Variants in PCDH15 observed in about 807,000 individuals in gnomAD.
PCDH15 encodes the protein protocadherin related 15.
A neutral mutation model predicts 178.5 loss-of-function variants in PCDH15; 129 were observed. The ratio of observed to expected loss-of-function variants is 0.72; its 90% CI spans 0.63 to 0.84. The LOEUF (loss-of-function observed/expected upper bound fraction) is 0.84, where lower values mean the gene tolerates loss of function less well. PCDH15 is among the 40% of genes least tolerant of loss of function. The pLI is 0.00. For missense variants in PCDH15, 2,230 were observed against 2,099.9 expected, an observed-to-expected ratio of 1.06 and a Z score of -1.21; for synonymous variants, 800 against 732.0, an observed-to-expected ratio of 1.09 and a Z score of -1.50.
chr10:53,998,960 G>A (rs2134966866), intron 20 of PCDH15, among the ~76,000 whole-genome samples: 1 of 151,200 alleles, frequency 6.6e-6, no homozygotes, highest in South Asian at 2.1e-4. Flanking sequence ...GCTGAGGAAG[G>A]GAGAATTCCT....
At chr10:54,741,559 G>A (rs866439809) in intron 1 of PCDH15, among the ~76,000 whole-genome samples, 1 of 151,970 alleles carries the variant, frequency 6.6e-6, no homozygotes, top group Non-Finnish European at 1.5e-5. Context: ...CAACACAAAT[G>A]TATCTTATAA....
chr10:54,358,707 C>T (rs538934641), intron 5 of PCDH15, among the ~76,000 whole-genome samples: 3 of 152,232 alleles, frequency 2.0e-5, no homozygotes, highest in Admixed American at 6.5e-5. Flanking sequence ...AAGACACATG[C>T]ACATGTATGT....
At chr10:55,494,991 T>C (rs1840500077) in intron 2 of PCDH15, among the ~76,000 whole-genome samples, 1 of 151,770 alleles carries the variant, frequency 6.6e-6, no homozygotes, top group South Asian at 2.1e-4. Context: ...AAATTAATTG[T>C]TGACAAGGGT....
intron 26 of PCDH15, among the ~76,000 whole-genome samples, chr10:53,872,805 C>T (rs1000758441): frequency 1.3e-5 from 2 of 152,236 alleles, no homozygotes; most frequent in African/African-American, 2.4e-5. Context: ...AGCTCTAATT[C>T]CCATAAAATT....
intron 14 of PCDH15, among the ~76,000 whole-genome samples, chr10:54,147,887 G>A (rs918694484): frequency 6.6e-6 from 1 of 151,936 alleles, no homozygotes; most frequent in Non-Finnish European, 1.5e-5. Flanking sequence ...CTGAGTTCAA[G>A]TTATGGTCCT....
At chr10:54,848,550 G>T (rs891539941) in intron 3 of PCDH15, among the ~76,000 whole-genome samples, 2 of 152,018 alleles carry the variant, frequency 1.3e-5, no homozygotes, top group Non-Finnish European at 2.9e-5. Flanking sequence ...GACCCCACCA[G>T]CAAGAAGGCT....
At chr10:54,003,324 G>GT (rs1327220586) in intron 20 of PCDH15, among the ~76,000 whole-genome samples, 3 of 151,970 alleles carry the variant, frequency 2.0e-5, no homozygotes, top group African/African-American at 4.8e-5. Flanking sequence ...CAGAAAGTTT[G>GT]TTTTTTTAAA....
Position 54,048,152 on chromosome 10 carries a change from T to C in PCDH15, c.2220+18605A>G, listed in dbSNP as rs576838216. ...TCTGGTTTTGATATGCATTTCTTGATGATTTATGATGTGGATCATTTTTTC... is the reference window on the plus strand; with the variant it reads ...TCTGGTTTTGATATGCATTTCTTGACGATTTATGATGTGGATCATTTTTTC... On this transcript the variant is annotated intron_variant, in intron 18 of 37. Coordinates refer to ENST00000644397, the MANE Select transcript of PCDH15 (RefSeq NM_001384140.1). Among the ~76,000 whole-genome samples, 19 of 152,312 alleles carry C rather than the reference T, an allele frequency of 1.2e-4. No homozygotes were observed. The South Asian group carries it at 2.5e-3, about 20-fold the overall frequency.
chr10:54,981,484 A>G (rs1416593683), intron 2 of PCDH15, among the ~76,000 whole-genome samples: 3 of 152,194 alleles, frequency 2.0e-5, no homozygotes, highest in African/African-American at 7.2e-5. Context: ...GTTAGTTAAC[A>G]CAGAAGTCAG....
At chr10:55,434,321 G>A (rs1331970003) in intron 2 of PCDH15, among the ~76,000 whole-genome samples, 1 of 151,734 alleles carries the variant, frequency 6.6e-6, no homozygotes, top group Non-Finnish European at 1.5e-5. Context: ...CTCCCAAAGT[G>A]CTGGGATTAC....
intron 9 of PCDH15, among the ~76,000 whole-genome samples, chr10:54,218,715 G>A (rs752504665): frequency 6.6e-6 from 1 of 151,178 alleles, no homozygotes; most frequent in Non-Finnish European, 1.5e-5. Context: ...GGTAGTGCAA[G>A]CAGACTATTA....
intron 2 of PCDH15, among the ~76,000 whole-genome samples, chr10:54,635,162 TATAAATAA>T (rs67991291): frequency 2.1e-4 from 30 of 145,428 alleles, no homozygotes; most frequent in African/African-American, 4.0e-4. Context: ...AATAGTCTCC[TATAAATAA>T]ATAAATAAAT....
intron 2 of PCDH15, among the ~76,000 whole-genome samples, chr10:55,044,459 T>A (rs1432494780): frequency 6.6e-6 from 1 of 152,092 alleles, no homozygotes; most frequent in Non-Finnish European, 1.5e-5. Flanking sequence ...CAAAATCAGT[T>A]AGTTCATTTT....
At chr10:54,991,140 C>T (rs1839489252) in intron 2 of PCDH15, among the ~76,000 whole-genome samples, 1 of 152,104 alleles carries the variant, frequency 6.6e-6, no homozygotes, top group Non-Finnish European at 1.5e-5. Context: ...TGAATGCATG[C>T]TCAGCATGGA....
intron 2 of PCDH15, among the ~76,000 whole-genome samples, chr10:54,595,091 C>T (rs1200147990): frequency 2.0e-5 from 3 of 152,200 alleles, no homozygotes; most frequent in Admixed American, 1.3e-4. Context: ...TACAAACACC[C>T]ACATGGAGGC....
chr10:55,235,616 G>GA (rs1841358007), intron 1 of PCDH15, among the ~76,000 whole-genome samples: 1 of 151,990 alleles, frequency 6.6e-6, no homozygotes, highest in Non-Finnish European at 1.5e-5. Context: ...GGAACAATAA[G>GA]AATCTTCTGG....
Position 54,633,948 on chromosome 10 carries a change from C to T in PCDH15, c.91+30224G>A, listed in dbSNP as rs115938564. ...AAATCAGCCAGAACTTTTCATGACC[C>T]CATGCATTAGCTGATATGCCAAGAT... On this transcript the variant is annotated intron_variant, in intron 2 of 37. Transcript: ENST00000644397. Among the ~76,000 whole-genome samples, 575 of 152,188 alleles carry T rather than the reference C, an allele frequency of 3.8e-3. 1 individual carries two copies. The highest frequency in any genetic ancestry group is 0.013 in the African/African-American group (560 of 41,538).
At chr10:55,494,726 C>A (rs1484498152) in intron 2 of PCDH15, among the ~76,000 whole-genome samples, 1 of 151,764 alleles carries the variant, frequency 6.6e-6, no homozygotes, top group Non-Finnish European at 1.5e-5. Context: ...CTACTCCATT[C>A]CTCTCTCTTT....
intron 2 of PCDH15, among the ~76,000 whole-genome samples, chr10:54,595,424 A>C (rs1035457343): frequency 6.6e-6 from 1 of 152,170 alleles, no homozygotes; most frequent in Admixed American, 6.5e-5. Flanking sequence ...AAGGTCATAA[A>C]ATAGAATAAA....
Sources: allele counts gnomAD v4.1 joint callset (sites outside exome capture counted in the v4.1 genomes callset), GRCh38; gene constraint gnomAD v4.1.1; transcripts MANE v1.5; gene names NCBI Gene and HGNC (gene_info 2026-07-23, HGNC 2026-07-21).